Variants in CAST observed in about 807,000 individuals in gnomAD.
CAST encodes the protein calpastatin.
In CAST, 76 loss-of-function variants were observed where a neutral mutation model predicts 119.6. The observed-to-expected ratio is 0.64, with a 90% CI of 0.53 to 0.77. The LOEUF (loss-of-function observed/expected upper bound fraction) is 0.77, where lower values mean the gene tolerates loss of function less well. Ranked by LOEUF, CAST falls within the 30% of genes least tolerant of loss-of-function variation. CAST has a pLI of 0.00. For synonymous variants in CAST, 319 were observed against 331.6 expected (o/e 0.96, Z 0.41); for missense variants, 953 against 946.5 (o/e 1.01, Z -0.09).
the CAST span, among the ~76,000 whole-genome samples, chr5:96,163,996 C>A: frequency 6.6e-6 from 1 of 151,990 alleles, no homozygotes; most frequent in South Asian, 2.1e-4. Flanking sequence ...ATTATATTAA[C>A]TCATAGGATT....
chr5:96,291,167 T>C, the CAST span, among the ~76,000 whole-genome samples: 1 of 152,206 alleles, frequency 6.6e-6, no homozygotes, highest in African/African-American at 2.4e-5. Context: ...ATCTTGACTC[T>C]TGAGAGAGCC....
chr5:96,241,260 T>G, the CAST span, among the ~76,000 whole-genome samples: 1 of 137,748 alleles, frequency 7.3e-6, no homozygotes, highest in Non-Finnish European at 1.5e-5. Context: ...CCCCTTCCTA[T>G]GTCCATATGT....
At chr5:96,219,116 T>C in the CAST span, among the ~76,000 whole-genome samples, 2 of 152,200 alleles carry the variant, frequency 1.3e-5, no homozygotes, top group African/African-American at 4.8e-5. Context: ...ATTTTTTATG[T>C]GTATGATTTC....
At chr5:96,258,612 T>C in the CAST span, among the ~76,000 whole-genome samples, 1 of 152,172 alleles carries the variant, frequency 6.6e-6, no homozygotes, top group Admixed American at 6.5e-5. Flanking sequence ...ATGTTTCTGG[T>C]ACATGACACA....
chr5:96,420,079 G>T, the CAST span, among the ~76,000 whole-genome samples: 1 of 152,096 alleles, frequency 6.6e-6, no homozygotes, highest in African/African-American at 2.4e-5. Context: ...CTTAACCAAG[G>T]GGGTGGAATG....
rs761015608 is a variant in CAST at position 96,765,239 on chromosome 5, G to A, written c.1951G>A (p.Asp651Asn). The A allele has an allele frequency of 7.5e-6, 12 of 1,601,874 alleles. No individual in the cohort carries two copies. Among genetic ancestry groups the A allele is most frequent in the Middle Eastern group, 1.7e-4 (1 of 6,046 alleles). Residue 651 changes from aspartate (D) to asparagine (N), a missense_variant, in exon 26 of 32, where the codon GAT becomes AAT. By Grantham distance (23) the Asp-to-Asn change is conservative. Transcript: ENST00000675179. ...RDTSQSDKDL[D>N]DALDKLSDSL... Reference sequence around the variant, plus strand: ...TTTTCAGCAGAGTGACAAAGACCTCGATGATGCCTTGGATAAACTCTCTGA... The same window carrying A: ...TTTTCAGCAGAGTGACAAAGACCTCAATGATGCCTTGGATAAACTCTCTGA...
the CAST span, among the ~76,000 whole-genome samples, chr5:96,475,783 G>A: frequency 8.5e-5 from 13 of 152,270 alleles, no homozygotes; most frequent in East Asian, 1.9e-3. Flanking sequence ...TACAAAAGAG[G>A]GGACCTGTGG....
intron 1 of CAST, among the ~76,000 whole-genome samples, chr5:96,547,704 C>T (rs761822475): frequency 9.2e-5 from 14 of 152,148 alleles, no homozygotes; most frequent in Admixed American, 2.6e-4. Context: ...ATTAAGTTTG[C>T]GATAGTCCAC....
At chr5:96,535,309 G>A (rs563370834) in intron 1 of CAST, among the ~76,000 whole-genome samples, 3 of 152,292 alleles carry the variant, frequency 2.0e-5, no homozygotes, top group African/African-American at 7.2e-5. Context: ...AATACTGAAA[G>A]CATAAGGAAG....
At chr5:96,740,927 G>C (rs1021015389) in intron 13 of CAST, 144 bp downstream of exon 13, 30 of 650,362 alleles carry the variant, frequency 4.6e-5, no homozygotes, top group Non-Finnish European at 4.9e-5. Flanking sequence ...CAGAGAAAGG[G>C]GTTGGTGGGA....
At chr5:96,255,876 G>T in the CAST span, among the ~76,000 whole-genome samples, 1 of 151,840 alleles carries the variant, frequency 6.6e-6, no homozygotes, top group Non-Finnish European at 1.5e-5. Context: ...TTAGGGTTCC[G>T]TTCCTCAAAT....
At chr5:96,370,463 A>G in the CAST span, among the ~76,000 whole-genome samples, 1 of 152,166 alleles carries the variant, frequency 6.6e-6, no homozygotes, top group Non-Finnish European at 1.5e-5. Flanking sequence ...ATGGAACCTC[A>G]TAAACTAAAG....
chr5:96,662,608 C>T (rs1748693278), intron 1 of CAST, 111 bp downstream of exon 1: 2 of 1,252,932 alleles, frequency 1.6e-6, no homozygotes, highest in Non-Finnish European at 2.0e-6. Flanking sequence ...CAGTCCCCGG[C>T]GCCCCCGCGG....
chr5:96,412,130 A>G, the CAST span, among the ~76,000 whole-genome samples: 3 of 152,312 alleles, frequency 2.0e-5, no homozygotes, highest in East Asian at 5.8e-4. Flanking sequence ...AATAGGGAAA[A>G]CTTTCTTAAG....
intron 16 of CAST, chr5:96,743,737 C>G: frequency 6.3e-7 from 1 of 1,593,840 alleles, no homozygotes; most frequent in Non-Finnish European, 8.6e-7. Context: ...TTCGTATCTT[C>G]CAGGACCAAG....
the CAST span, among the ~76,000 whole-genome samples, chr5:96,195,705 C>G: frequency 6.6e-6 from 1 of 151,988 alleles, no homozygotes; most frequent in Non-Finnish European, 1.5e-5. Flanking sequence ...GGAATTAGAC[C>G]CACATAATGA....
intron 16 of CAST, chr5:96,743,732 A>G: frequency 1.9e-6 from 3 of 1,600,966 alleles, no homozygotes; most frequent in Non-Finnish European, 2.6e-6. Context: ...AGCAGTTCGT[A>G]TCTTCCAGGA....
chr5:96,050,410 G>A, the CAST span, among the ~76,000 whole-genome samples: 1 of 151,682 alleles, frequency 6.6e-6, no homozygotes, highest in Non-Finnish European at 1.5e-5. Flanking sequence ...CACAGGTGAA[G>A]GAATTAGCCA....
At chr5:96,250,985 A>G in the CAST span, among the ~76,000 whole-genome samples, 1 of 152,200 alleles carries the variant, frequency 6.6e-6, no homozygotes, top group Non-Finnish European at 1.5e-5. Flanking sequence ...CAGAAGGTAC[A>G]GAGGTACAGA....
Sources: allele counts gnomAD v4.1 joint callset (sites outside exome capture counted in the v4.1 genomes callset), GRCh38; gene constraint gnomAD v4.1.1; transcripts MANE v1.5; gene names NCBI Gene and HGNC (gene_info 2026-07-23, HGNC 2026-07-21).